Variants in ETV5 observed in about 807,000 individuals in gnomAD.
ETV5 encodes the protein ETS translocation variant 5.
In ETV5, 10 loss-of-function variants were observed where a neutral mutation model predicts 70.0. The ratio of observed to expected loss-of-function variants is 0.14; its 90% CI spans 0.09 to 0.24. The LOEUF (loss-of-function observed/expected upper bound fraction) is 0.24. Among genes scored for constraint, ETV5 ranks in the 10% least tolerant of loss-of-function variants. The pLI, the probability that ETV5 is intolerant of heterozygous loss-of-function variation, is 1.00. For missense variants in ETV5, 453 were observed against 651.2 expected, an observed-to-expected ratio of 0.70 and a Z score of 3.31; for synonymous variants, 216 against 242.2, an observed-to-expected ratio of 0.89 and a Z score of 1.01.
chr3:186,066,272 A>AAAAAAAAAAAAAAAAAAAAAC (rs1713442482), intron 7 of ETV5, among the ~76,000 whole-genome samples, 200 bp from the exon 8 acceptor site: 1 of 151,088 alleles, frequency 6.6e-6, no homozygotes, highest in Non-Finnish European at 1.5e-5. Flanking sequence ...CAAAAAAAAA[A>AAAAAAAAAAAAAAAAAAAAAC]AAAAAAAATC....
chr3:186,052,185 T>A lies in ETV5; in HGVS notation c.1210-54A>T. 2 of 1,550,850 alleles carry A rather than the reference T, an allele frequency of 1.3e-6. No homozygotes were observed. Among genetic ancestry groups the A allele is most frequent in the South Asian group, 2.2e-5 (2 of 89,754 alleles). ...GGAAACGCATTCCCTGGGCCCCATG[T>A]TCTCTCCCAATCCCAGCAGAGCCAG... On this transcript the variant is annotated intron_variant, in intron 11 of 12. Transcript: ENST00000306376. This position sits in a 1 kb window ranked among gnomAD's most constrained non-coding sequence, Gnocchi z 4.5.
chr3:186,107,293 A>G (rs1714611021), intron 1 of ETV5, among the ~76,000 whole-genome samples: 2 of 152,210 alleles, frequency 1.3e-5, no homozygotes, highest in African/African-American at 4.8e-5. Flanking sequence ...CGCCTCTCTC[A>G]AATGCCACCA....
chr3:186,067,903 A>G lies in ETV5; in HGVS notation c.651-1831T>C, dbSNP rs146546851. Among the ~76,000 whole-genome samples, 7 of 152,368 alleles carry G rather than the reference A, an allele frequency of 4.6e-5. No homozygotes were observed. In the East Asian group the frequency reaches 1.3e-3, roughly 29 times the overall value. On this transcript the variant is annotated intron_variant, in intron 7 of 12. Transcript: ENST00000306376. Reference sequence around the variant, plus strand: ...AGATACAGGAATCTCACTGTTGGCAAAAAGAGCTTTTAGAAATTAACAAAA... The same window carrying G: ...AGATACAGGAATCTCACTGTTGGCAGAAAGAGCTTTTAGAAATTAACAAAA...
intron 7 of ETV5, among the ~76,000 whole-genome samples, chr3:186,070,472 G>A (rs1713605098): frequency 1.3e-5 from 2 of 152,216 alleles, no homozygotes; most frequent in Non-Finnish European, 2.9e-5. Flanking sequence ...TAACTTTAAG[G>A]ATGCGCAAAG....
At chr3:186,094,584 A>T (rs1194687618) in intron 5 of ETV5, among the ~76,000 whole-genome samples, 2 of 152,152 alleles carry the variant, frequency 1.3e-5, no homozygotes, top group Non-Finnish European at 2.9e-5. Context: ...ACAATTTAGG[A>T]TTGTTACTTT....
At chr3:186,060,013 C>A (rs1008456506) in intron 9 of ETV5, among the ~76,000 whole-genome samples, 1 of 152,180 alleles carries the variant, frequency 6.6e-6, no homozygotes, top group Admixed American at 6.5e-5. Flanking sequence ...TCATAATCCA[C>A]TATGCTTCAA....
intron 12 of ETV5, among the ~76,000 whole-genome samples, chr3:186,049,508 C>T (rs184659449): frequency 6.6e-6 from 1 of 152,268 alleles, no homozygotes; most frequent in East Asian, 1.9e-4. Flanking sequence ...ACATCTGCGT[C>T]AATGGGATCA....
rs888638915 is a variant in ETV5, at chr3:186,054,776, C to T, written c.1209+2299G>A. Among the ~76,000 whole-genome samples, 1 of 151,984 alleles carries T rather than the reference C, an allele frequency of 6.6e-6. No homozygotes were observed. The highest frequency in any genetic ancestry group is 2.4e-5 in the African/African-American group (1 of 41,320). ...GAAGCTGGTATCTTCCTGACATTAA[C>T]AAGAACAGGGCCCTCACAGGTATAC... On this transcript the variant is annotated intron_variant, in intron 11 of 12. Transcript: ENST00000306376. The surrounding 1 kb of genome is among the most constrained non-coding windows in gnomAD (Gnocchi z 4.4).
intron 1 of ETV5, chr3:186,107,007 T>C: frequency 1.0e-6 from 1 of 955,228 alleles, no homozygotes; most frequent in Non-Finnish European, 1.2e-6. Flanking sequence ...ATATACACAA[T>C]TTTAAACAGG....
At chr3:186,075,669 C>T (rs1203150346) in intron 7 of ETV5, among the ~76,000 whole-genome samples, 1 of 152,198 alleles carries the variant, frequency 6.6e-6, no homozygotes, top group Non-Finnish European at 1.5e-5. Flanking sequence ...ACCCAGTTGA[C>T]CTTTTCCTGA....
chr3:186,108,458 T>A (rs1413046718), intron 1 of ETV5: 21 of 1,222,492 alleles, frequency 1.7e-5, no homozygotes, highest in Non-Finnish European at 2.3e-5. Context: ...TGCACTTGCC[T>A]GTGTCATTTA....
intron 5 of ETV5, among the ~76,000 whole-genome samples, chr3:186,088,862 T>G (rs1301291544): frequency 6.6e-6 from 1 of 152,210 alleles, no homozygotes; most frequent in Non-Finnish European, 1.5e-5. Flanking sequence ...CTCTTGCCTT[T>G]TTTGACGAAT....
intron 5 of ETV5, among the ~76,000 whole-genome samples, chr3:186,096,630 G>GA (rs1036119669): frequency 1.9e-4 from 29 of 150,578 alleles, no homozygotes; most frequent in Non-Finnish European, 3.4e-4. Flanking sequence ...TACAGCAAGG[G>GA]AAAAAAAAAT....
Position 186,079,710 on chromosome 3 carries a change from T to C in ETV5, c.650+107A>G. The C allele has an allele frequency of 2.4e-6, 3 of 1,247,614 alleles. 1 individual carries two copies. Among genetic ancestry groups the C allele is most frequent in the East Asian group, 5.0e-5 (2 of 39,904 alleles). 77.3% of individuals were successfully genotyped at this position (1,247,614 alleles called of 1,614,324 possible). A position where few individuals can be genotyped will look rare whatever the true frequency, so the allele number is the denominator to read the frequency against. ...CTCACAAGCTGCCTCAATGTAATGA[T>C]AACTTTTTAGGAACCTGGTAAATAA... On this transcript the variant is annotated intron_variant, in intron 7 of 12. Transcript: ENST00000306376.
intron 7 of ETV5, chr3:186,077,966 G>A: frequency 2.8e-6 from 3 of 1,056,890 alleles, no homozygotes; most frequent in South Asian, 4.6e-5. Context: ...CAGACTTCAA[G>A]GAGGAATCAC....
chr3:186,051,442 T>G (rs1395317523), intron 12 of ETV5, among the ~76,000 whole-genome samples: 3 of 152,180 alleles, frequency 2.0e-5, no homozygotes, highest in Non-Finnish European at 4.4e-5. Context: ...CACGAAGAAT[T>G]TTGTACTGAT....
chr3:186,057,006 A>T lies in ETV5; in HGVS notation c.1209+69T>A. ...ACTTGACACAAAAAGCCTCAATGGA[A>T]ATCTAAACAAAAAACATCATCAACA... On this transcript the variant is annotated intron_variant, in intron 11 of 12. Transcript: ENST00000306376. This position sits in a 1 kb window ranked among gnomAD's most constrained non-coding sequence, Gnocchi z 4.9. The T allele has an allele frequency of 6.4e-7, 1 of 1,561,222 alleles. No individual in the cohort carries two copies. Among genetic ancestry groups the T allele is most frequent in the Non-Finnish European group, 8.7e-7 (1 of 1,145,222 alleles).
chr3:186,091,871 T>G (rs1254924447), intron 5 of ETV5, among the ~76,000 whole-genome samples: 5 of 152,264 alleles, frequency 3.3e-5, no homozygotes, highest in African/African-American at 1.2e-4. Context: ...TGCATGAAAA[T>G]GGCTAGAAAT....
chr3:186,054,585 C>T lies in ETV5; in HGVS notation c.1210-2454G>A, dbSNP rs967415114. On this transcript the variant is annotated intron_variant, in intron 11 of 12. Coordinates refer to ENST00000306376, the MANE Select transcript of ETV5 (RefSeq NM_004454.3). The surrounding 1 kb of genome is among the most constrained non-coding windows in gnomAD (Gnocchi z 4.4). ...CATTTGATTAGGGGGCCTGCCAAAA[C>T]GCAGTTCTAAAACCACAATTTCCAT... is the stretch of plus-strand genomic sequence containing the variant. Among the ~76,000 whole-genome samples, 4 of 152,188 alleles carry T rather than the reference C, an allele frequency of 2.6e-5. No homozygotes were observed. Among genetic ancestry groups the T allele is most frequent in the African/African-American group, 9.7e-5 (4 of 41,436 alleles).
Sources: gnomAD v4.1 joint callset for allele counts (sites outside exome capture counted in the v4.1 genomes callset) on GRCh38, gnomAD v4.1.1 for gene constraint, Gnocchi (gnomAD v3.1) non-coding constraint, MANE v1.5 for transcripts, NCBI Gene and HGNC (gene_info 2026-07-23, HGNC 2026-07-21) for gene names.